GSE1: variants seen among roughly 807,000 people sequenced by gnomAD.
GSE1 encodes genetic suppressor element 1.
A neutral mutation model predicts 112.6 loss-of-function variants in GSE1; 32 were observed. The observed-to-expected ratio is 0.28, with a 90% CI of 0.21 to 0.38. The LOEUF is 0.38. Among genes scored for constraint, GSE1 ranks in the 10% least tolerant of loss-of-function variants. The pLI, the probability that GSE1 is intolerant of heterozygous loss-of-function variation, is 1.00. For synonymous variants in GSE1, 1,115 were observed against 735.6 expected (o/e 1.52, Z -8.35); for missense variants, 2,348 against 1,699.2 (o/e 1.38, Z -6.71).
intron 2 of GSE1, among the ~76,000 whole-genome samples, chr16:85,523,954 C>T (rs1312130534): frequency 3.3e-5 from 5 of 152,158 alleles, no homozygotes; most frequent in Admixed American, 1.3e-4. Flanking sequence ...TTCTGGCCCA[C>T]TGAGGAACGC....
intron 1 of GSE1, among the ~76,000 whole-genome samples, chr16:85,280,998 T>A (rs1218966970): frequency 6.6e-6 from 1 of 152,170 alleles, no homozygotes; most frequent in Non-Finnish European, 1.5e-5. Flanking sequence ...CGGTCAGAGC[T>A]GCCTCTGCCG....
intron 2 of GSE1, among the ~76,000 whole-genome samples, chr16:85,518,402 T>C (rs929029285): frequency 1.3e-5 from 2 of 152,118 alleles, no homozygotes; most frequent in Admixed American, 6.5e-5. Context: ...GTCTGTGTCA[T>C]CTCATTCGCT....
rs373362541 is a variant in GSE1 at position 85,469,946 on chromosome 16, C to T, written c.2464+112303C>T. Among the ~76,000 whole-genome samples the T allele has an allele frequency of 2.5e-3, 388 of 152,330 alleles. 1 individual carries two copies. Among genetic ancestry groups the T allele is most frequent in the African/African-American group, 8.8e-3 (366 of 41,582 alleles). On this transcript the variant is annotated intron_variant, in intron 2 of 2. Transcript: ENST00000637419. Reference sequence around the variant, plus strand: ...GGCACGGGGTACCCCAGGACCCCATCCTCACTGTGGTTCCCCGCAGTGGCA... The same window carrying T: ...GGCACGGGGTACCCCAGGACCCCATTCTCACTGTGGTTCCCCGCAGTGGCA...
At chr16:85,522,306 G>A (rs1009784508) in intron 2 of GSE1, among the ~76,000 whole-genome samples, 1 of 152,096 alleles carries the variant, frequency 6.6e-6, no homozygotes, top group African/African-American at 2.4e-5. Context: ...GGGCCGTCAG[G>A]ACTGGGTCAG....
intron 2 of GSE1, among the ~76,000 whole-genome samples, chr16:85,363,897 C>G (rs1406727777): frequency 1.8e-4 from 28 of 152,212 alleles, no homozygotes; most frequent in Non-Finnish European, 4.4e-5. Flanking sequence ...TTCCCTCTGC[C>G]TGCTCTTGTG....
chr16:85,445,728 G>T (rs917833149), intron 2 of GSE1, among the ~76,000 whole-genome samples: 2 of 152,338 alleles, frequency 1.3e-5, no homozygotes, highest in Admixed American at 6.5e-5. Context: ...GCCCTCTCCT[G>T]GCTCGAGGGA....
At chr16:85,357,525 C>G (rs1486253854) in exon 2 of GSE1, 1 of 1,269,396 alleles carries the variant, frequency 7.9e-7, no homozygotes, top group Non-Finnish European at 1.0e-6. Flanking sequence ...AGTCCGAGAC[C>G]CGGCCACGCG....
chr16:85,563,150 C>T (rs1282310601), intron 1 of GSE1, among the ~76,000 whole-genome samples: 1 of 151,180 alleles, frequency 6.6e-6, no homozygotes, highest in African/African-American at 2.4e-5. Flanking sequence ...AGGGAATCAA[C>T]ATCCACATGG....
At chr16:85,382,702 G>T (rs748487466) in intron 2 of GSE1, among the ~76,000 whole-genome samples, 3 of 151,862 alleles carry the variant, frequency 2.0e-5, no homozygotes, top group Non-Finnish European at 4.4e-5. Context: ...CAAGAGCATG[G>T]CACCTCACAC....
chr16:85,611,367 G>T, upstream of GSE1: 3 of 545,728 alleles, frequency 5.5e-6, no homozygotes, highest in Non-Finnish European at 6.9e-6. Flanking sequence ...GAATCCGCCG[G>T]CCAGTGCGGG....
chr16:85,355,123 C>T (rs971770992), intron 1 of GSE1, among the ~76,000 whole-genome samples: 7 of 152,176 alleles, frequency 4.6e-5, no homozygotes, highest in South Asian at 2.1e-4. Flanking sequence ...TAAATTTATA[C>T]GTCCCTTGCA....
chr16:85,359,345 TG>T (rs1419674655), intron 2 of GSE1: 4 of 455,498 alleles, frequency 8.8e-6, no homozygotes, highest in Non-Finnish European at 1.8e-5. Flanking sequence ...CCCACAGCTT[TG>T]GGCAGAGCCC....
intron 2 of GSE1, among the ~76,000 whole-genome samples, chr16:85,541,078 T>C (rs1171391035): frequency 6.6e-6 from 1 of 150,762 alleles, no homozygotes; most frequent in African/African-American, 2.4e-5. Flanking sequence ...ACAGGGAGAA[T>C]GGTGGGGAGC....
At chr16:85,223,082 C>G (rs945866326) in intron 1 of GSE1, among the ~76,000 whole-genome samples, 6 of 152,040 alleles carry the variant, frequency 3.9e-5, no homozygotes, top group African/African-American at 1.4e-4. Flanking sequence ...ACGGGGCCGG[C>G]GGAGTCAAGG....
chr16:85,376,152 A>T (rs758003932), intron 2 of GSE1, among the ~76,000 whole-genome samples: 17 of 152,168 alleles, frequency 1.1e-4, no homozygotes, highest in Non-Finnish European at 2.2e-4. Flanking sequence ...TTTCATCCCC[A>T]GCCCAAACAA....
chr16:85,410,061 A>T (rs1344203394), intron 2 of GSE1, among the ~76,000 whole-genome samples: 4 of 17,378 alleles, frequency 2.3e-4, no homozygotes, highest in African/African-American at 1.2e-3. Context: ...TCACTGTTAC[A>T]CTCAGGGCCC....
intron 2 of GSE1, among the ~76,000 whole-genome samples, chr16:85,501,690 T>G (rs2051373065): frequency 6.6e-6 from 1 of 152,192 alleles, no homozygotes; most frequent in South Asian, 2.1e-4. Context: ...CACTGTGCCT[T>G]GCCAAAACTT....
At chr16:85,554,025 G>A (rs999097022), upstream of GSE1, among the ~76,000 whole-genome samples, 25 of 152,170 alleles carry the variant, frequency 1.6e-4, no homozygotes, top group African/African-American at 6.0e-4. Flanking sequence ...TTGTATCTGG[G>A]GTCAAAAGGT....
exon 1 of GSE1, chr16:85,170,255 C>G (rs1047658246): frequency 2.4e-5 from 24 of 985,464 alleles, no homozygotes; most frequent in African/African-American, 3.5e-5. Context: ...AAGGCCCACG[C>G]GGATGGGGAG....
Sources: allele counts gnomAD v4.1 joint callset (sites outside exome capture counted in the v4.1 genomes callset), GRCh38; gene constraint gnomAD v4.1.1; transcripts MANE v1.5; gene names NCBI Gene and HGNC (gene_info 2026-07-23, HGNC 2026-07-21).